FRAS1: variants seen among roughly 807,000 people sequenced by gnomAD.
The protein encoded by FRAS1 is Fraser extracellular matrix complex subunit 1, also known as extracellular matrix organizing protein FRAS1.
Under a neutral mutation model 435.2 loss-of-function variants are expected in FRAS1, and 290 were observed. The ratio of observed to expected loss-of-function variants is 0.67; its 90% CI spans 0.61 to 0.73. The LOEUF (loss-of-function observed/expected upper bound fraction) is 0.73. Ranked by LOEUF, FRAS1 falls within the 30% of genes least tolerant of loss-of-function variation. The pLI is 0.00. For synonymous variants in FRAS1, 1,800 were observed against 1,851.0 expected (o/e 0.97, Z 0.71); for missense variants, 4,860 against 5,001.5 (o/e 0.97, Z 0.85).
intron 14 of FRAS1, among the ~76,000 whole-genome samples, chr4:78,307,624 GC>G: frequency 6.6e-6 from 1 of 152,226 alleles, no homozygotes; most frequent in East Asian, 1.9e-4. Flanking sequence ...TTTTCCAGGT[GC>G]CGTCTGTCAC....
intron 17 of FRAS1, among the ~76,000 whole-genome samples, chr4:78,318,594 C>G (rs1459755393): frequency 6.6e-6 from 1 of 152,116 alleles, no homozygotes; most frequent in African/African-American, 2.4e-5. Flanking sequence ...CCCGACAGCC[C>G]TTATGGGACC....
intron 2 of FRAS1, among the ~76,000 whole-genome samples, chr4:78,165,209 C>G (rs1721287861): frequency 6.6e-6 from 1 of 152,192 alleles, no homozygotes; most frequent in South Asian, 2.1e-4. Context: ...TTATAAAACA[C>G]TTTCATCATT....
At chr4:78,477,393 T>C (rs1256953696) in intron 54 of FRAS1, among the ~76,000 whole-genome samples, 2 of 152,214 alleles carry the variant, frequency 1.3e-5, no homozygotes, top group Non-Finnish European at 2.9e-5. Flanking sequence ...TAAAGCTTCA[T>C]AACCTAATAC....
intron 69 of FRAS1, 80 bp from the exon 70 acceptor site, chr4:78,526,461 G>A (rs1370246610): frequency 1.2e-6 from 1 of 862,384 alleles, no homozygotes; most frequent in African/African-American, 1.7e-5. Flanking sequence ...AAACTGTTTA[G>A]TGAAGGCCAT....
intron 62 of FRAS1, among the ~76,000 whole-genome samples, chr4:78,507,835 G>T (rs538928907): frequency 2.0e-5 from 3 of 152,248 alleles, no homozygotes; most frequent in Admixed American, 2.0e-4. Flanking sequence ...GTGGGTAAAA[G>T]CCAGGGATAC....
At chr4:78,112,166 G>A (rs1295849134) in intron 2 of FRAS1, among the ~76,000 whole-genome samples, 1 of 152,084 alleles carries the variant, frequency 6.6e-6, no homozygotes, top group East Asian at 1.9e-4. Context: ...AAGGAAAAAT[G>A]TCTAATTGCA....
In FRAS1 at chr4:78,421,986, C is replaced by A; in HGVS notation, c.4664C>A (p.Ala1555Asp). The change falls in exon 34 of 74, where the codon GCC becomes GAC. Residue 1555 changes from alanine (A) to aspartate (D), a missense_variant. Coordinates refer to ENST00000512123, the MANE Select transcript of FRAS1 (RefSeq NM_025074.7). ...GCACCCCACCTCCAGGAGCTCATGG[C>A]CTTCTCGTTCGCTGGTAATGCTCTC... ...PAAPHLQELM[A>D]FSFAGLPESV... The A allele has an allele frequency of 6.2e-7, 1 of 1,611,764 alleles. No homozygotes were observed. Among genetic ancestry groups the A allele is most frequent in the South Asian group, 1.1e-5 (1 of 90,592 alleles).
chr4:78,139,904 T>A (rs1207745652), intron 2 of FRAS1, among the ~76,000 whole-genome samples: 1 of 152,210 alleles, frequency 6.6e-6, no homozygotes, highest in East Asian at 1.9e-4. Context: ...TTGTTATAAT[T>A]GGATTTGACC....
At chr4:78,305,043 G>C (rs1223499113) in intron 14 of FRAS1, among the ~76,000 whole-genome samples, 3 of 152,190 alleles carry the variant, frequency 2.0e-5, no homozygotes, top group Non-Finnish European at 4.4e-5. Context: ...ATGTGTCCCA[G>C]AGATTCTGGT....
At chr4:78,128,157 G>A (rs967489626) in intron 2 of FRAS1, among the ~76,000 whole-genome samples, 2 of 151,978 alleles carry the variant, frequency 1.3e-5, no homozygotes, top group African/African-American at 4.8e-5. Context: ...TATCATTGTT[G>A]GACATTTGGG....
rs1292653803 is a variant in FRAS1, at chr4:78,278,720, T to C, written c.1047T>C (p.Cys349=). The C allele has an allele frequency of 6.2e-7, 1 of 1,601,648 alleles. No homozygotes were observed. Among genetic ancestry groups the C allele is most frequent in the African/African-American group, 1.3e-5 (1 of 74,660 alleles). Residue 349 remains cysteine, a synonymous_variant, in exon 10 of 74, where the codon TGT becomes TGC. Transcript: ENST00000512123. ...CPECISRNGY[C]VYEETGEFMS... ...AATGCATTTCAAGGAATGGTTATTG[T>C]GTTTATGAAGAAACTGGAGAATTTG...
At chr4:78,089,365 C>T (rs1401534239) in intron 2 of FRAS1, among the ~76,000 whole-genome samples, 1 of 151,718 alleles carries the variant, frequency 6.6e-6, no homozygotes, top group Non-Finnish European at 1.5e-5. Flanking sequence ...ACCAACATAG[C>T]ACGTGTATAC....
At chr4:78,180,281 C>G (rs1376415485) in intron 2 of FRAS1, among the ~76,000 whole-genome samples, 1 of 151,624 alleles carries the variant, frequency 6.6e-6, no homozygotes, top group Non-Finnish European at 1.5e-5. Context: ...TATATAACAG[C>G]TATCATGAGA....
At chr4:78,087,680 T>C (rs1005093799) in intron 2 of FRAS1, among the ~76,000 whole-genome samples, 8 of 152,074 alleles carry the variant, frequency 5.3e-5, no homozygotes, top group Non-Finnish European at 1.2e-4. Flanking sequence ...TCACAATTGC[T>C]TCAAAGAGAA....
Position 78,419,054 on chromosome 4 carries a change from C to A in FRAS1, c.4531C>A (p.Pro1511Thr). ...CTACAACATCACTCTACCTCTGCAT[C>A]CAAATCAAGGTAAGATGTGCAGTAA... Reference protein sequence around the residue: ...IVYNITLPLHPNQGIIEHRDH... With the variant: ...IVYNITLPLHTNQGIIEHRDH... The change falls in exon 33 of 74, where the codon CCA (proline) becomes ACA (threonine). Residue 1511 changes from proline to threonine, a missense_variant. Transcript: ENST00000512123. 6.5e-7 allele frequency: 1 copy of A among 1,550,328 alleles called. No homozygotes were observed.
chr4:78,439,770 A>G (rs1435122214), intron 40 of FRAS1, among the ~76,000 whole-genome samples: 1 of 152,124 alleles, frequency 6.6e-6, no homozygotes, highest in Non-Finnish European at 1.5e-5. Context: ...AAGTGAGACT[A>G]TGGACCTGTA....
intron 20 of FRAS1, among the ~76,000 whole-genome samples, chr4:78,363,138 G>A (rs1261188664): frequency 1.3e-5 from 2 of 152,120 alleles, no homozygotes; most frequent in African/African-American, 4.8e-5. Context: ...GGGGTTGGGG[G>A]AAGCTGCACT....
chr4:78,229,058 C>A (rs1430419552), intron 2 of FRAS1, among the ~76,000 whole-genome samples: 2 of 152,110 alleles, frequency 1.3e-5, no homozygotes, highest in Non-Finnish European at 2.9e-5. Flanking sequence ...TGTTCATAAA[C>A]CAAGCCTGTG....
rs1392867260 is a variant in FRAS1, at chr4:78,466,229, A to G, written c.7051A>G (p.Ile2351Val). Residue 2351 changes from isoleucine (I) to valine (V), a missense_variant, in exon 50 of 74, where the codon ATC (isoleucine) becomes GTC (valine). Coordinates refer to ENST00000512123, the MANE Select transcript of FRAS1 (RefSeq NM_025074.7). ...ACAGGCCGAGTCTGTCACATTCACC[A>G]TCGTGCAGCCTCCACGCCATGGCAC... ...DTEAESVTFT[I>V]VQPPRHGTIE... is the part of the protein sequence containing the mutation. The G allele has an allele frequency of 6.2e-7, 1 of 1,613,896 alleles. No homozygotes were observed. The highest frequency in any genetic ancestry group is 1.1e-5 in the South Asian group (1 of 91,066).
Sources: allele counts gnomAD v4.1 joint callset (sites outside exome capture counted in the v4.1 genomes callset), GRCh38; gene constraint gnomAD v4.1.1; transcripts MANE v1.5; gene names NCBI Gene and HGNC (gene_info 2026-07-23, HGNC 2026-07-21).